The following MAF variants were observed in gnomAD, a reference collection of about 807,000 sequenced individuals.
MAF encodes MAF bZIP transcription factor.
In MAF, 10 loss-of-function variants were observed where a neutral mutation model predicts 22.0. The ratio of observed to expected loss-of-function variants is 0.45; its 90% CI spans 0.28 to 0.77. The LOEUF is 0.77. MAF is among the 30% of genes least tolerant of loss of function. MAF has a pLI of 0.12. For missense variants in MAF, 544 were observed against 548.4 expected (o/e 0.99, Z 0.08); for synonymous variants, 337 against 255.8 (o/e 1.32, Z -3.03).
In MAF at chr16:79,598,862, T is replaced by G. The variant is rs1338561234; in HGVS notation, c.1041A>C (p.Lys347Asn). The G allele has an allele frequency of 1.2e-6, 2 of 1,613,826 alleles. No individual in the cohort carries two copies. Among genetic ancestry groups the G allele is most frequent in the Non-Finnish European group, 8.5e-7 (1 of 1,179,988 alleles). Residue 347 changes from lysine (K) to asparagine (N), a missense_variant, in exon 1 of 2, where the codon AAA (lysine) becomes AAC (asparagine). Lys to Asn is a moderately conservative substitution (Grantham distance 94). Around this residue, in one of 5 missense-constraint regions of MAF, gnomAD observed 129 missense variants for 113.6 expected, o/e 1.14. Coordinates refer to ENST00000326043, the MANE Select transcript of MAF (RefSeq NM_005360.5). ...LVRERDAYKE[K>N]YEKLVSSGFR... ...AGCCGCTGCTCACCAACTTCTCGTA[T>G]TTCTCCTTGTACGCGTCCCTCTCGC...
the MAF span, among the ~76,000 whole-genome samples, chr16:79,214,841 G>C: frequency 6.7e-6 from 1 of 148,516 alleles, no homozygotes; most frequent in African/African-American, 2.5e-5. Context: ...CTTCAGAGTA[G>C]CTGGGATTAC....
chr16:79,218,771 G>C, the MAF span, among the ~76,000 whole-genome samples: 1 of 152,158 alleles, frequency 6.6e-6, no homozygotes, highest in African/African-American at 2.4e-5. Context: ...TCTACATTCA[G>C]TTTGGGCAGA....
chr16:79,454,004 G>A, the MAF span, among the ~76,000 whole-genome samples: 2 of 151,982 alleles, frequency 1.3e-5, no homozygotes, highest in African/African-American at 2.4e-5. Context: ...ACCATAATTA[G>A]GATAGCCAAA....
the MAF span, among the ~76,000 whole-genome samples, chr16:79,438,724 C>T: frequency 1.3e-5 from 2 of 152,118 alleles, no homozygotes; most frequent in Non-Finnish European, 2.9e-5. Context: ...CTTCCCTGAG[C>T]CCTGGATGAT....
chr16:79,523,360 T>C, the MAF span, among the ~76,000 whole-genome samples: 2 of 152,230 alleles, frequency 1.3e-5, no homozygotes, highest in South Asian at 2.1e-4. Context: ...TTCTGTGTAC[T>C]AGACCAGACT....
At chr16:79,232,105 A>T in the MAF span, among the ~76,000 whole-genome samples, 4 of 152,020 alleles carry the variant, frequency 2.6e-5, no homozygotes, top group African/African-American at 9.7e-5. Context: ...ATTACAGATG[A>T]AGTTTTGTTC....
At chr16:79,211,651 A>G in the MAF span, 1 of 1,614,060 alleles carries the variant, frequency 6.2e-7, no homozygotes, top group African/African-American at 1.3e-5. Context: ...GCTGTCCCAG[A>G]ACTGGAGGGT....
At chr16:79,217,918 G>A in the MAF span, among the ~76,000 whole-genome samples, 1 of 127,480 alleles carries the variant, frequency 7.8e-6, no homozygotes, top group South Asian at 2.7e-4. Context: ...CACTAGGCCA[G>A]AAAGACTTGG....
At chr16:79,320,587 C>G in the MAF span, among the ~76,000 whole-genome samples, 27 of 152,302 alleles carry the variant, frequency 1.8e-4, 1 homozygote, top group African/African-American at 6.5e-4. Context: ...CGAGAAGGAG[C>G]CAGTCACCCT....
chr16:79,373,623 C>A, the MAF span, among the ~76,000 whole-genome samples: 1 of 151,914 alleles, frequency 6.6e-6, no homozygotes, highest in African/African-American at 2.4e-5. Context: ...CCTGACCCAC[C>A]TGCCTCAGCC....
At chr16:79,257,246 T>A in the MAF span, among the ~76,000 whole-genome samples, 1 of 152,072 alleles carries the variant, frequency 6.6e-6, no homozygotes, top group African/African-American at 2.4e-5. Context: ...ATGAGGTGTG[T>A]TGTTTAGTTA....
chr16:79,377,981 T>C, the MAF span, among the ~76,000 whole-genome samples: 1 of 152,232 alleles, frequency 6.6e-6, no homozygotes, highest in East Asian at 1.9e-4. Flanking sequence ...AGCTTTGTTC[T>C]TTTGGCTTAG....
the MAF span, among the ~76,000 whole-genome samples, chr16:79,451,714 A>G: frequency 2.0e-5 from 3 of 152,226 alleles, no homozygotes; most frequent in African/African-American, 7.2e-5. Flanking sequence ...AAAAATACCC[A>G]AACAACACAG....
At chr16:79,384,727 A>C in the MAF span, among the ~76,000 whole-genome samples, 12 of 152,172 alleles carry the variant, frequency 7.9e-5, no homozygotes, top group Non-Finnish European at 1.3e-4. Flanking sequence ...ACTGCACTCC[A>C]GCCTGGGCAG....
Position 79,599,346 on chromosome 16 carries a change from T to C in MAF, c.557A>G (p.His186Arg). Residue 186 changes from histidine to arginine, a missense_variant, in exon 1 of 2, where the codon CAC becomes CGC. Around this residue, in one of 5 missense-constraint regions of MAF, gnomAD observed 342 missense variants for 315.5 expected, o/e 1.08. Coordinates refer to ENST00000326043, the MANE Select transcript of MAF (RefSeq NM_005360.5). Reference sequence around the variant, plus strand: ...GTGGTGGTGGTGGCCGGCGGCGTGGTGGTGGTGGTGGTGGTAGTGCGGGCC... The same window carrying C: ...GTGGTGGTGGTGGCCGGCGGCGTGGCGGTGGTGGTGGTGGTAGTGCGGGCC... ...GAGPHYHHHHHHAAGHHHHPT... is the reference protein window; with the variant it reads ...GAGPHYHHHHRHAAGHHHHPT... 1 of 985,286 alleles carries C rather than the reference T, an allele frequency of 1.0e-6. No homozygotes were observed. Among genetic ancestry groups the C allele is most frequent in the Non-Finnish European group, 1.2e-6 (1 of 831,986 alleles). The allele number at this position is 985,286 out of a possible 1,614,324, so 61.0% of individuals were successfully genotyped here.
chr16:79,417,610 A>G, the MAF span, among the ~76,000 whole-genome samples: 82,402 of 151,770 alleles, frequency 0.54, 23,167 homozygotes, highest in East Asian at 0.9. Context: ...AGAGGTTTGG[A>G]GGCGGGGGTC....
the MAF span, among the ~76,000 whole-genome samples, chr16:79,543,832 G>A: frequency 2.0e-5 from 3 of 151,936 alleles, no homozygotes; most frequent in Non-Finnish European, 4.4e-5. Flanking sequence ...GACTACAGGC[G>A]CCTACCACCG....
the MAF span, among the ~76,000 whole-genome samples, chr16:79,574,124 T>A: frequency 6.6e-6 from 1 of 152,208 alleles, no homozygotes; most frequent in Non-Finnish European, 1.5e-5. Flanking sequence ...GATGAGAAAT[T>A]TAAAACGTAA....
chr16:79,215,959 G>A, the MAF span, among the ~76,000 whole-genome samples: 6 of 152,158 alleles, frequency 3.9e-5, no homozygotes, highest in Non-Finnish European at 7.3e-5. Context: ...GACACTGTCA[G>A]TCCCCATGGG....
Sources: gnomAD v4.1 joint callset for allele counts (sites outside exome capture counted in the v4.1 genomes callset) on GRCh38, gnomAD v4.1.1 for gene constraint, gnomAD v4.1.1 regional missense constraint, MANE v1.5 for transcripts, NCBI Gene and HGNC (gene_info 2026-07-23, HGNC 2026-07-21) for gene names.